Variants in SIPA1L2 observed in about 807,000 individuals in gnomAD.
SIPA1L2 encodes the protein signal induced proliferation associated 1 like 2.
SIPA1L2 carries 56 observed loss-of-function variants against 163.9 expected under a neutral mutation model. The ratio of observed to expected loss-of-function variants is 0.34; its 90% confidence interval spans 0.28 to 0.43. The LOEUF is 0.43. Ranked by LOEUF, SIPA1L2 falls within the 20% of genes least tolerant of loss-of-function variation. SIPA1L2 has a pLI of 1.00. For missense variants in SIPA1L2, 1,974 were observed against 2,193.5 expected, an observed-to-expected ratio of 0.90 and a Z score of 2.00; for synonymous variants, 877 against 865.7, an observed-to-expected ratio of 1.01 and a Z score of -0.23.
At chr1:232,454,633 G>A (rs1310287688) in intron 10 of SIPA1L2, among the ~76,000 whole-genome samples, 5 of 152,164 alleles carry the variant, frequency 3.3e-5, no homozygotes, top group Admixed American at 3.3e-4. Context: ...GGTAGCCACG[G>A]TGTAACCTGT....
At position 232,441,409 on chromosome 1, in the gene SIPA1L2, G is replaced by C. The variant is rs1171553291; in HGVS notation, c.3539-15C>G. 1.3e-6 allele frequency: 2 copies of C among 1,587,556 alleles called. No homozygotes were observed. The highest frequency in any genetic ancestry group is 2.7e-5 in the African/African-American group (2 of 73,426). ...CCATTTGGTTTCTGTCACATAAAAA[G>C]AGAGGAGTTGAATTTCCAATTTCCA... is the stretch of plus-strand genomic sequence containing the variant. On this transcript the variant is annotated splice_polypyrimidine_tract_variant and intron_variant, in intron 13 of 22. Coordinates refer to ENST00000674635, the MANE Select transcript of SIPA1L2 (RefSeq NM_020808.5).
At chr1:232,402,504 C>A in intron 21 of SIPA1L2, 31 bp from the exon 22 acceptor site, 1 of 1,587,014 alleles carries the variant, frequency 6.3e-7, no homozygotes, top group South Asian at 1.1e-5. Context: ...TAGAAAGATT[C>A]AAGAGAGTCA....
intron 1 of SIPA1L2, among the ~76,000 whole-genome samples, chr1:232,580,405 C>T (rs114434966): frequency 0.011 from 1,615 of 152,268 alleles, 24 homozygotes; most frequent in African/African-American, 0.037. Context: ...CCTCCTGTCT[C>T]ATCCTGTGAC....
intron 10 of SIPA1L2, among the ~76,000 whole-genome samples, chr1:232,454,259 T>C (rs1463806451): frequency 6.6e-6 from 1 of 152,216 alleles, no homozygotes; most frequent in East Asian, 1.9e-4. Context: ...ATAATCACAC[T>C]TGACCAAGCC....
chr1:232,442,552 G>GAAAAA (rs59025710), intron 12 of SIPA1L2, among the ~76,000 whole-genome samples: 9 of 74,726 alleles, frequency 1.2e-4, no homozygotes, highest in African/African-American at 4.4e-4. Flanking sequence ...CATCTCAAAA[G>GAAAAA]AAAAAAAAAA....
intron 3 of SIPA1L2, among the ~76,000 whole-genome samples, chr1:232,509,857 G>C (rs1316169581): frequency 2.0e-5 from 3 of 152,222 alleles, no homozygotes; most frequent in Non-Finnish European, 4.4e-5. Context: ...TCACAGCTGC[G>C]CTGGAGAGAG....
chr1:232,460,778 A>T, intron 10 of SIPA1L2, 109 bp downstream of exon 10: 1 of 1,346,838 alleles, frequency 7.4e-7, no homozygotes, highest in Non-Finnish European at 1.0e-6. Context: ...ACACTGTACA[A>T]AGACACACTT....
At chr1:232,436,868 C>T (rs1476031400) in intron 15 of SIPA1L2, among the ~76,000 whole-genome samples, 1 of 152,142 alleles carries the variant, frequency 6.6e-6, no homozygotes, top group African/African-American at 2.4e-5. Context: ...GCCTAGGATG[C>T]AAGTTGAAAT....
In SIPA1L2 at chr1:232,428,706, G is replaced by T. The variant is rs147795047; in HGVS notation, c.4257-142C>A. 3.1e-3 allele frequency: 1,532 copies of T among 498,342 alleles called. 11 individuals are homozygous for T. The highest frequency in any genetic ancestry group is 0.024 in the African/African-American group (1,224 of 50,422). The allele number at this position is 498,342 out of a possible 1,614,324, so 30.9% of individuals were successfully genotyped here. On this transcript the variant is annotated intron_variant, in intron 16 of 22. Transcript: ENST00000674635. ...TCTTAAGTCAGTTCACTTTTGCTGC[G>T]TTTGCTCCAAATTCCCATGCCATTT...
At chr1:232,528,655 A>G (rs1310951396) in intron 2 of SIPA1L2, among the ~76,000 whole-genome samples, 3 of 152,138 alleles carry the variant, frequency 2.0e-5, no homozygotes, top group Admixed American at 6.5e-5. Context: ...GCCTCACATC[A>G]CTGGTGAGAC....
intron 1 of SIPA1L2, among the ~76,000 whole-genome samples, chr1:232,629,138 G>A (rs1329867945): frequency 6.6e-6 from 1 of 152,162 alleles, no homozygotes; most frequent in Non-Finnish European, 1.5e-5. Flanking sequence ...TCCCACAGGG[G>A]TAATGCCAAG....
At chr1:232,588,664 T>A (rs1660801401) in intron 1 of SIPA1L2, among the ~76,000 whole-genome samples, 1 of 152,212 alleles carries the variant, frequency 6.6e-6, no homozygotes, top group Non-Finnish European at 1.5e-5. Context: ...AGCACTCCCT[T>A]TTCCAACTAC....
intron 2 of SIPA1L2, among the ~76,000 whole-genome samples, chr1:232,573,028 G>A (rs1380394491): frequency 1.3e-5 from 2 of 151,770 alleles, no homozygotes; most frequent in South Asian, 2.1e-4. Context: ...TGATCCGTCC[G>A]CCTCGGCCTT....
At chr1:232,607,022 T>A (rs1661958536) in intron 1 of SIPA1L2, among the ~76,000 whole-genome samples, 1 of 152,066 alleles carries the variant, frequency 6.6e-6, no homozygotes, top group African/African-American at 2.4e-5. Context: ...ATCCAAACTA[T>A]ATTGAATCAG....
intron 1 of SIPA1L2, among the ~76,000 whole-genome samples, chr1:232,621,222 T>C (rs1405759407): frequency 1.3e-5 from 2 of 152,180 alleles, no homozygotes; most frequent in Admixed American, 1.3e-4. Context: ...TAACAGACAA[T>C]TCACTGGCTG....
chr1:232,628,419 G>A (rs566948092), intron 1 of SIPA1L2, among the ~76,000 whole-genome samples: 3 of 152,332 alleles, frequency 2.0e-5, no homozygotes, highest in African/African-American at 7.2e-5. Flanking sequence ...GAATCAAGCA[G>A]TGAAATTCAA....
intron 1 of SIPA1L2, among the ~76,000 whole-genome samples, chr1:232,620,828 T>C (rs1393491521): frequency 6.6e-6 from 1 of 152,232 alleles, no homozygotes. Flanking sequence ...TCTCTATTAA[T>C]GTTGTATAAT....
chr1:232,597,124 C>T lies in SIPA1L2; in HGVS notation c.-318-22902G>A, dbSNP rs77573504. On this transcript the variant is annotated intron_variant, in intron 1 of 22. Coordinates refer to ENST00000674635, the MANE Select transcript of SIPA1L2 (RefSeq NM_020808.5). ...GAGGGTTCTATGAGCATCCCAGAAA[C>T]CCCAACATCTGTGAATGGGTAACAG... 4.4e-3 allele frequency among the ~76,000 whole-genome samples: 663 copies of T among 152,232 alleles called. 9 individuals carry two copies. The highest frequency in any genetic ancestry group is 0.032 in the East Asian group (164 of 5,162).
chr1:232,504,781 CCTGT>C (rs1666646055), intron 3 of SIPA1L2, among the ~76,000 whole-genome samples: 1 of 152,116 alleles, frequency 6.6e-6, no homozygotes, highest in Admixed American at 6.5e-5. Context: ...CTCAGTTCAT[CCTGT>C]CTACTTATGA....
Sources: allele counts gnomAD v4.1 joint callset (sites outside exome capture counted in the v4.1 genomes callset), GRCh38; gene constraint gnomAD v4.1.1; transcripts MANE v1.5; gene names NCBI Gene and HGNC (gene_info 2026-07-23, HGNC 2026-07-21).